The following PTPRO variants were observed in gnomAD, a reference collection of about 807,000 sequenced individuals.
PTPRO encodes receptor-type tyrosine-protein phosphatase O.
In PTPRO, 62 loss-of-function variants were observed where a neutral mutation model predicts 145.2. That is an observed-to-expected ratio of 0.43 (90% confidence interval 0.35 to 0.53). PTPRO has a LOEUF of 0.53. Among genes scored for constraint, PTPRO ranks in the 20% least tolerant of loss-of-function variants. The pLI, the probability that PTPRO is intolerant of heterozygous loss-of-function variation, is 0.01. For synonymous variants in PTPRO, 565 were observed against 514.7 expected (o/e 1.10, Z -1.32); for missense variants, 1,345 against 1,482.7 (o/e 0.91, Z 1.53).
chr12:15,398,783 CT>C (rs1379741576), intron 1 of PTPRO, among the ~76,000 whole-genome samples: 1 of 151,844 alleles, frequency 6.6e-6, no homozygotes, highest in African/African-American at 2.4e-5. Flanking sequence ...ATGAAAGTAA[CT>C]ATGTACAACT....
chr12:15,483,399 C>A (rs1350380141), intron 1 of PTPRO, among the ~76,000 whole-genome samples: 1 of 152,160 alleles, frequency 6.6e-6, no homozygotes, highest in Non-Finnish European at 1.5e-5. Flanking sequence ...TCCTCACTAG[C>A]ATAGCTTCCT....
intron 6 of PTPRO, 96 bp from the exon 7 acceptor site, chr12:15,508,475 A>T: frequency 7.7e-7 from 1 of 1,294,008 alleles, no homozygotes; most frequent in East Asian, 2.5e-5. Flanking sequence ...ATCTCATTGT[A>T]AGGGCAAAAA....
At chr12:15,545,158 T>G (rs1008707093) in intron 12 of PTPRO, among the ~76,000 whole-genome samples, 1 of 151,902 alleles carries the variant, frequency 6.6e-6, no homozygotes, top group African/African-American at 2.4e-5. Context: ...AGCAGTGAAA[T>G]GGCTGACAGG....
At chr12:15,563,465 A>G (rs569493801) in intron 17 of PTPRO, among the ~76,000 whole-genome samples, 1 of 152,264 alleles carries the variant, frequency 6.6e-6, no homozygotes, top group East Asian at 1.9e-4. Context: ...GAGTTTCATA[A>G]TTCAATCCTG....
Position 15,497,346 on chromosome 12 carries a change from A to G in PTPRO, c.451A>G (p.Thr151Ala). 6.2e-7 allele frequency: 1 copy of G among 1,612,666 alleles called. No homozygotes were observed. The highest frequency in any genetic ancestry group is 8.5e-7 in the Non-Finnish European group (1 of 1,178,828). The change falls in exon 3 of 27, where the codon ACA becomes GCA. Residue 151 changes from threonine (T) to alanine (A), a missense_variant. Coordinates refer to ENST00000281171, the MANE Select transcript of PTPRO (RefSeq NM_030667.3). Reference sequence around the variant, plus strand: ...TTATCCAGAAAAATATAACGTTTTCACAAGAGTGAACATTAGCTACTGGGA... The same window carrying G: ...TTATCCAGAAAAATATAACGTTTTCGCAAGAGTGAACATTAGCTACTGGGA... ...IHYPEKYNVF[T>A]RVNISYWEGK...
At chr12:15,492,294 C>T (rs932724763) in intron 2 of PTPRO, among the ~76,000 whole-genome samples, 8 of 152,142 alleles carry the variant, frequency 5.3e-5, no homozygotes, top group South Asian at 2.1e-4. Context: ...ATCAAAACAA[C>T]GATAACAGTT....
At chr12:15,413,238 C>G in intron 1 of PTPRO, among the ~76,000 whole-genome samples, 1 of 151,892 alleles carries the variant, frequency 6.6e-6, no homozygotes. Context: ...CTACAGGCGC[C>G]TGCCACCACG....
chr12:15,547,633 A>G (rs1353765027), intron 13 of PTPRO, among the ~76,000 whole-genome samples: 1 of 152,188 alleles, frequency 6.6e-6, no homozygotes, highest in African/African-American at 2.4e-5. Context: ...TGTACTGAAC[A>G]GCTGAATTTT....
At chr12:15,562,779 T>C (rs1004899874) in intron 17 of PTPRO, among the ~76,000 whole-genome samples, 1 of 151,652 alleles carries the variant, frequency 6.6e-6, no homozygotes, top group South Asian at 2.1e-4. Flanking sequence ...ACCCTCATGC[T>C]GTACTCAGGT....
intron 1 of PTPRO, among the ~76,000 whole-genome samples, chr12:15,447,729 C>T (rs574460050): frequency 3.1e-4 from 45 of 145,762 alleles, no homozygotes; most frequent in African/African-American, 6.7e-4. Context: ...AATTTGCCAT[C>T]GATGTGAGTG....
At chr12:15,395,665 C>G (rs1939317018) in intron 1 of PTPRO, among the ~76,000 whole-genome samples, 1 of 152,026 alleles carries the variant, frequency 6.6e-6, no homozygotes, top group Admixed American at 6.6e-5. Flanking sequence ...TTCTAGACTA[C>G]AGCATGAGAG....
chr12:15,438,332 T>G (rs1565629539), intron 1 of PTPRO, among the ~76,000 whole-genome samples: 1 of 152,080 alleles, frequency 6.6e-6, no homozygotes, highest in Non-Finnish European at 1.5e-5. Context: ...ACCAAAAGAT[T>G]GAGCTACCTC....
At chr12:15,559,336 G>A (rs1260361219) in intron 16 of PTPRO, among the ~76,000 whole-genome samples, 1 of 152,172 alleles carries the variant, frequency 6.6e-6, no homozygotes, top group Non-Finnish European at 1.5e-5. Flanking sequence ...TCTCAGTGAA[G>A]ATTTGTAATA....
intron 1 of PTPRO, among the ~76,000 whole-genome samples, chr12:15,364,244 A>G (rs1938293077): frequency 6.6e-6 from 1 of 152,216 alleles, no homozygotes. Flanking sequence ...TGATACATTT[A>G]CCAGAAAATA....
intron 4 of PTPRO, 97 bp from the exon 5 acceptor site, chr12:15,501,523 T>G: frequency 8.6e-7 from 1 of 1,162,278 alleles, no homozygotes; most frequent in Non-Finnish European, 1.2e-6. Flanking sequence ...AATTCCACTT[T>G]TAAAAATCTG....
rs114714581 is a variant in PTPRO at position 15,322,542 on chromosome 12, T to C, written c.-185T>C. 1,657 of 664,138 alleles carry C rather than the reference T, an allele frequency of 2.5e-3. 12 individuals carry two copies. The African/African-American group carries it at 0.026, about 10-fold the overall frequency. The allele number at this position is 664,138 out of a possible 1,614,324, so 41.1% of individuals were successfully genotyped here. The stretch of plus-strand genomic sequence containing the variant: ...AGAACAGCAGCGCCTGGCACGTTCT[T>C]GGAGGACCCCGGGCGCAGAGGAGGA... On this transcript the variant is annotated 5_prime_UTR_variant, in exon 1 of 27. Transcript: ENST00000281171. This position sits in a 1 kb window ranked among gnomAD's most constrained non-coding sequence, Gnocchi z 6.3.
intron 1 of PTPRO, among the ~76,000 whole-genome samples, chr12:15,370,099 T>A (rs1053156912): frequency 2.0e-5 from 3 of 152,294 alleles, no homozygotes; most frequent in African/African-American, 7.2e-5. Flanking sequence ...GTGTATGTTA[T>A]CTCAATTATA....
intron 1 of PTPRO, among the ~76,000 whole-genome samples, chr12:15,380,264 C>A (rs996140469): frequency 6.6e-6 from 1 of 151,940 alleles, no homozygotes; most frequent in African/African-American, 2.4e-5. Flanking sequence ...CCATCAGGGG[C>A]CATACACTCA....
At chr12:15,386,557 T>C (rs192817691) in intron 1 of PTPRO, among the ~76,000 whole-genome samples, 193 of 152,316 alleles carry the variant, frequency 1.3e-3, no homozygotes, top group African/African-American at 4.2e-3. Context: ...TATATGAAAT[T>C]GCCATGTTGT....
Sources: allele counts gnomAD v4.1 joint callset (sites outside exome capture counted in the v4.1 genomes callset), GRCh38; gene constraint gnomAD v4.1.1; non-coding constraint Gnocchi (gnomAD v3.1); transcripts MANE v1.5; gene names NCBI Gene and HGNC (gene_info 2026-07-23, HGNC 2026-07-21).